PFKL: variants seen among roughly 807,000 people sequenced by gnomAD.
The protein encoded by PFKL is phosphofructokinase, liver type.
A neutral mutation model predicts 92.1 loss-of-function variants in PFKL; 74 were observed. The observed-to-expected ratio is 0.80, with a 90% CI of 0.67 to 0.97. The LOEUF (loss-of-function observed/expected upper bound fraction) is 0.97. PFKL is among the 50% of genes least tolerant of loss of function. The pLI is 0.00. For synonymous variants in PFKL, 494 were observed against 456.4 expected (o/e 1.08, Z -1.05); for missense variants, 1,028 against 1,116.6 (o/e 0.92, Z 1.13).
chr21:44,308,214 A>G (rs2041007939), intron 2 of PFKL, among the ~76,000 whole-genome samples: 1 of 152,164 alleles, frequency 6.6e-6, no homozygotes, highest in Non-Finnish European at 1.5e-5. Context: ...CCAGGCGGTA[A>G]CAGGAGGAGC....
intron 1 of PFKL, among the ~76,000 whole-genome samples, chr21:44,301,865 GC>G (rs970898114): frequency 9.2e-5 from 14 of 151,670 alleles, no homozygotes; most frequent in Non-Finnish European, 1.2e-4. Context: ...GGTGGCACGT[GC>G]CCCCCCCACC....
chr21:44,314,257 C>T, intron 7 of PFKL: 1 of 548,336 alleles, frequency 1.8e-6, no homozygotes, highest in Non-Finnish European at 3.3e-6. Context: ...ACTCAGGCTG[C>T]CGCCGCCCCA....
chr21:44,325,262 CA>C lies in PFKL; in HGVS notation c.1988del (p.Gln663ArgfsTer18). On this transcript the variant is annotated frameshift_variant and splice_region_variant, in exon 19 of 22. Transcript: ENST00000349048. LOFTEE classifies it high-confidence loss of function. Reference protein sequence around the residue: ...CRTNVLGHLQQGGAPTPFDRN... With the variant: ...CRTNVLGHLQXGGAPTPFDRN... ...GACCAATGTCCTGGGCCACCTGCAGCAGGTGTGGGGCAGGGGTGAGGCTCTG... is the reference window on the plus strand; with the variant it reads ...GACCAATGTCCTGGGCCACCTGCAGCGGTGTGGGGCAGGGGTGAGGCTCTG... 1 of 1,592,632 alleles carries C rather than the reference CA, an allele frequency of 6.3e-7. No homozygotes were observed. Among genetic ancestry groups the C allele is most frequent in the Non-Finnish European group, 8.6e-7 (1 of 1,161,266 alleles).
chr21:44,313,558 C>T, intron 5 of PFKL, 80 bp from the exon 6 acceptor site: 1 of 1,387,064 alleles, frequency 7.2e-7, no homozygotes, highest in Non-Finnish European at 1.0e-6. Flanking sequence ...TCCACTGGGT[C>T]CCTTGAGCAC....
chr21:44,320,269 G>C, intron 12 of PFKL, 122 bp downstream of exon 12: 1 of 796,800 alleles, frequency 1.3e-6, no homozygotes, highest in Non-Finnish European at 2.0e-6. Flanking sequence ...GGTCCGAGCT[G>C]TGAGCTGGGA....
intron 3 of PFKL, 91 bp from the exon 4 acceptor site, chr21:44,312,014 T>A: frequency 2.7e-6 from 3 of 1,104,088 alleles, no homozygotes; most frequent in Non-Finnish European, 3.7e-6. Flanking sequence ...TGCCAGCCCC[T>A]TGCTGCCCAG....
intron 13 of PFKL, 124 bp downstream of exon 13, chr21:44,321,999 A>G: frequency 1.4e-6 from 2 of 1,438,594 alleles, no homozygotes; most frequent in East Asian, 2.4e-5. Flanking sequence ...GTCGGTGCCC[A>G]CCCGGGCCTG....
chr21:44,322,687 T>C (rs1158207915), intron 14 of PFKL, among the ~76,000 whole-genome samples: 2 of 152,074 alleles, frequency 1.3e-5, no homozygotes. Context: ...CGAGAAAGCC[T>C]CGGGCAGGAA....
chr21:44,321,776 C>CAT lies in PFKL; in HGVS notation c.1240_1241dup (p.Met414IlefsTer2). On this transcript the variant is annotated frameshift_variant, in exon 13 of 22. Transcript: ENST00000349048. LOFTEE classifies it high-confidence loss of function. ...TGAATGTGGGGGCCCCGGCGGCTGG[C>CAT]ATGAATGCGGCCGTGCGCTCGGCGG... is the stretch of plus-strand genomic sequence containing the variant. 6.3e-7 allele frequency: 1 copy of CAT among 1,598,726 alleles called. No homozygotes were observed. The highest frequency in any genetic ancestry group is 8.5e-7 in the Non-Finnish European group (1 of 1,172,836).
rs1463318983 is a variant in PFKL at position 44,315,859 on chromosome 21, A to G, written c.748-385A>G. ...GTACCTGGCCCAGGCTAGCCCGGGCAGGCCCCTCTGCCCTGTGCCCCGTGG... is the reference window on the plus strand; with the variant it reads ...GTACCTGGCCCAGGCTAGCCCGGGCGGGCCCCTCTGCCCTGTGCCCCGTGG... On this transcript the variant is annotated intron_variant, in intron 7 of 21. Transcript: ENST00000349048. The G allele has an allele frequency of 2.4e-5, 6 of 250,762 alleles. No homozygotes were observed. The East Asian group carries it at 5.3e-4, about 22-fold the overall frequency. The allele number at this position is 250,762 out of a possible 1,614,324, so 15.5% of individuals were successfully genotyped here.
chr21:44,311,440 A>G (rs374668552), intron 3 of PFKL, among the ~76,000 whole-genome samples: 47 of 152,338 alleles, frequency 3.1e-4, no homozygotes, highest in African/African-American at 1.1e-3. Context: ...AGACACATGC[A>G]GACACATAAA....
At chr21:44,323,187 G>C in intron 15 of PFKL, 138 bp downstream of exon 15, 4 of 666,402 alleles carry the variant, frequency 6.0e-6, no homozygotes, top group Non-Finnish European at 1.0e-5. Flanking sequence ...TTTAAGTGCT[G>C]TGTGTGGGCT....
At chr21:44,326,403 G>C (rs530763447) in intron 21 of PFKL, 139 bp downstream of exon 21, 2 of 702,214 alleles carry the variant, frequency 2.8e-6, no homozygotes, top group Non-Finnish European at 4.8e-6. Flanking sequence ...CCAGGTCCCC[G>C]CCAGGCCGTG....
chr21:44,326,451 ACTGGGCAATC>A (rs1326499365), intron 21 of PFKL, among the ~76,000 whole-genome samples, 187 bp downstream of exon 21: 1 of 152,016 alleles, frequency 6.6e-6, no homozygotes, highest in Non-Finnish European at 1.5e-5. Flanking sequence ...TGAGCACAAC[ACTGGGCAATC>A]CTTTCGGGTG....
At chr21:44,323,651 C>A in intron 15 of PFKL, 115 bp from the exon 16 acceptor site, 1 of 1,154,304 alleles carries the variant, frequency 8.7e-7, no homozygotes, top group Non-Finnish European at 1.2e-6. Context: ...GCGTCCAGCA[C>A]GGGGCACATG....
At chr21:44,309,532 A>T (rs1265720494) in intron 2 of PFKL, among the ~76,000 whole-genome samples, 1 of 152,172 alleles carries the variant, frequency 6.6e-6, no homozygotes, top group Non-Finnish European at 1.5e-5. Flanking sequence ...ATTCCAGCAG[A>T]ACTGAGCCAC....
intron 1 of PFKL, chr21:44,304,438 A>G: frequency 8.2e-7 from 1 of 1,217,178 alleles, no homozygotes; most frequent in Non-Finnish European, 1.0e-6. Context: ...GCCCTGCCTC[A>G]GCTGCTGCCT....
intron 10 of PFKL, 30 bp downstream of exon 10, chr21:44,318,625 G>A (rs553304230): frequency 9.0e-6 from 13 of 1,440,044 alleles, no homozygotes; most frequent in South Asian, 5.9e-5. Context: ...CATCAGAACC[G>A]CCTGGCCCCT....
At chr21:44,304,603 C>T in intron 1 of PFKL, 2 of 939,204 alleles carry the variant, frequency 2.1e-6, no homozygotes, top group Non-Finnish European at 2.6e-6. Flanking sequence ...ACTCACAGCA[C>T]CACCTTGGAC....
Sources: allele counts gnomAD v4.1 joint callset (sites outside exome capture counted in the v4.1 genomes callset), GRCh38; gene constraint gnomAD v4.1.1; transcripts MANE v1.5; gene names NCBI Gene and HGNC (gene_info 2026-07-23, HGNC 2026-07-21).